The following RAI1 variants were observed in gnomAD, a reference collection of about 807,000 sequenced individuals.
The protein encoded by RAI1 is retinoic acid-induced protein 1.
In RAI1, 9 loss-of-function variants were observed where a neutral mutation model predicts 123.8. The observed-to-expected ratio is 0.07, with a 90% CI of 0.04 to 0.13. The LOEUF (loss-of-function observed/expected upper bound fraction) is 0.13. Among genes scored for constraint, RAI1 ranks in the 10% least tolerant of loss-of-function variants. The pLI is 1.00. For synonymous variants in RAI1, 1,231 were observed against 1,127.3 expected (o/e 1.09, Z -1.84); for missense variants, 2,256 against 2,545.8 (o/e 0.89, Z 2.45).
intron 2 of RAI1, among the ~76,000 whole-genome samples, chr17:17,788,090 T>C (rs983076233): frequency 6.6e-6 from 1 of 152,070 alleles, no homozygotes; most frequent in African/African-American, 2.4e-5. Flanking sequence ...CCAGACCCTA[T>C]AGAGAGGGTA....
chr17:17,705,481 A>G (rs947793397), intron 1 of RAI1, among the ~76,000 whole-genome samples: 5 of 152,088 alleles, frequency 3.3e-5, no homozygotes, highest in African/African-American at 1.2e-4. Context: ...AAAAATACAA[A>G]AATTCGGTGA....
intron 1 of RAI1, among the ~76,000 whole-genome samples, chr17:17,711,637 C>A (rs974279498): frequency 6.6e-5 from 10 of 152,280 alleles, no homozygotes; most frequent in Admixed American, 2.6e-4. Context: ...CTTAGAGGAC[C>A]TAGGATGAAG....
intron 2 of RAI1, among the ~76,000 whole-genome samples, chr17:17,727,634 A>G (rs1039477639): frequency 5.3e-5 from 8 of 152,142 alleles, no homozygotes; most frequent in African/African-American, 1.7e-4. Flanking sequence ...TGAGGATCCA[A>G]AGCAGATGCA....
chr17:17,758,325 A>G (rs1240009051), intron 2 of RAI1, among the ~76,000 whole-genome samples: 1 of 152,172 alleles, frequency 6.6e-6, no homozygotes, highest in African/African-American at 2.4e-5. Flanking sequence ...TGGGTGGCTT[A>G]CAGCTGAAAG....
chr17:17,740,222 G>A (rs2142966998), intron 2 of RAI1, among the ~76,000 whole-genome samples: 1 of 152,296 alleles, frequency 6.6e-6, no homozygotes, highest in East Asian at 1.9e-4. Context: ...GCAGCCTCTA[G>A]GGGTCCTGCC....
chr17:17,794,274 G>A lies in RAI1; in HGVS notation c.1326G>A (p.Val442=), dbSNP rs148308622. The A allele has an allele frequency of 7.7e-4, 1,242 of 1,613,280 alleles. 4 individuals are homozygous for A. In the African/African-American group the frequency reaches 0.015, roughly 19 times the overall value. Residue 442 remains valine (V), a synonymous_variant, in exon 3 of 6, where the codon GTG becomes GTA. Coordinates refer to ENST00000353383, the MANE Select transcript of RAI1 (RefSeq NM_030665.4). ...GCCTCACGGCGCTGACCTCACAGGT[G>A]GAGAACATCTCCAACACCGTCCAGC... is the stretch of plus-strand genomic sequence containing the variant. ...LQSLTALTSQ[V]ENISNTVQQL...
At chr17:17,806,548 G>C (rs2032597016) in intron 4 of RAI1, among the ~76,000 whole-genome samples, 1 of 152,232 alleles carries the variant, frequency 6.6e-6, no homozygotes, top group South Asian at 2.1e-4. Context: ...CTGCTGCAGA[G>C]CTACTGGCCC....
chr17:17,696,414 C>A (rs892483214), intron 1 of RAI1, among the ~76,000 whole-genome samples: 1 of 152,202 alleles, frequency 6.6e-6, no homozygotes, highest in Admixed American at 6.5e-5. Context: ...CCCCACCACC[C>A]GTTCATGGGG....
rs1271833194 is a variant in RAI1 at position 17,770,202 on chromosome 17, G to T, written c.-16-22731G>T. 3.9e-5 allele frequency among the ~76,000 whole-genome samples: 6 copies of T among 152,092 alleles called. No homozygotes were observed. The South Asian group carries it at 1.2e-3, about 32-fold the overall frequency. ...CGGGGTGCAGGATCCTTGTCTACCT[G>T]CGGGGTAGGGAGACAGCCTGTCTCC... On this transcript the variant is annotated intron_variant, in intron 2 of 5. Transcript: ENST00000353383.
chr17:17,792,536 G>A (rs1347492568), intron 2 of RAI1, among the ~76,000 whole-genome samples: 1 of 149,294 alleles, frequency 6.7e-6, no homozygotes, highest in Admixed American at 6.7e-5. Context: ...GAAGGGCTGG[G>A]AGTGATGGGT....
At position 17,796,537 on chromosome 17, in the gene RAI1, G is replaced by C. The variant is rs200719553; in HGVS notation, c.3589G>C (p.Gly1197Arg). 3.1e-5 allele frequency: 50 copies of C among 1,611,100 alleles called. 1 individual carries two copies. The Admixed American group carries it at 7.7e-4, about 25-fold the overall frequency. Residue 1197 changes from glycine (G) to arginine (R), a missense_variant, in exon 3 of 6, where the codon GGC becomes CGC. Coordinates refer to ENST00000353383, the MANE Select transcript of RAI1 (RefSeq NM_030665.4). This position sits in a 1 kb window ranked among gnomAD's most constrained non-coding sequence, Gnocchi z 5.8. ...FKVSSSPQKEGRVSQRARVPK... is the reference protein window; with the variant it reads ...FKVSSSPQKERRVSQRARVPK... The stretch of plus-strand genomic sequence containing the variant: ...GGTCTCCAGCAGCCCCCAGAAGGAG[G>C]GCAGGGTGAGCCAGCGGGCAAGGGT...
At chr17:17,760,434 G>A (rs576262951) in intron 2 of RAI1, among the ~76,000 whole-genome samples, 1 of 152,304 alleles carries the variant, frequency 6.6e-6, no homozygotes, top group South Asian at 2.1e-4. Flanking sequence ...GTACCCAGAA[G>A]TTTGGCTCAG....
chr17:17,790,572 T>C (rs2031977108), intron 2 of RAI1, among the ~76,000 whole-genome samples: 1 of 152,130 alleles, frequency 6.6e-6, no homozygotes, highest in Non-Finnish European at 1.5e-5. Flanking sequence ...TCACTGTCTC[T>C]GTCTCTCTTT....
At chr17:17,765,223 G>A (rs550347851) in intron 2 of RAI1, among the ~76,000 whole-genome samples, 9 of 152,368 alleles carry the variant, frequency 5.9e-5, no homozygotes, top group African/African-American at 2.2e-4. Flanking sequence ...TTTGGTTCCT[G>A]TATGTGGAGT....
intron 3 of RAI1, chr17:17,802,252 A>G (rs1257452106): frequency 4.4e-6 from 2 of 453,326 alleles, no homozygotes; most frequent in African/African-American, 4.0e-5. Flanking sequence ...GAAGTCAGCC[A>G]TCTCAAGGGA....
At chr17:17,740,461 A>G (rs772060766) in intron 2 of RAI1, among the ~76,000 whole-genome samples, 2 of 152,208 alleles carry the variant, frequency 1.3e-5, no homozygotes, top group Non-Finnish European at 2.9e-5. Flanking sequence ...GAAGTGGTTC[A>G]TCTGCTCTGA....
At chr17:17,806,462 A>G (rs2032595040) in intron 4 of RAI1, among the ~76,000 whole-genome samples, 1 of 152,170 alleles carries the variant, frequency 6.6e-6, no homozygotes, top group Admixed American at 6.5e-5. Flanking sequence ...AGGGAGAGGG[A>G]GGTGACAAGC....
chr17:17,701,054 C>A (rs992021369), intron 1 of RAI1, among the ~76,000 whole-genome samples: 1 of 152,214 alleles, frequency 6.6e-6, no homozygotes, highest in Non-Finnish European at 1.5e-5. Flanking sequence ...AGACCCCTCT[C>A]CCTCCTCGCT....
chr17:17,781,163 C>T (rs2031566145), intron 2 of RAI1, among the ~76,000 whole-genome samples: 1 of 152,232 alleles, frequency 6.6e-6, no homozygotes, highest in African/African-American at 2.4e-5. Flanking sequence ...CGGTATTCTT[C>T]CCCGCCACCA....
Sources: allele counts gnomAD v4.1 joint callset (sites outside exome capture counted in the v4.1 genomes callset), GRCh38; gene constraint gnomAD v4.1.1; non-coding constraint Gnocchi (gnomAD v3.1); transcripts MANE v1.5; gene names NCBI Gene and HGNC (gene_info 2026-07-23, HGNC 2026-07-21).